The following TPO variants were observed in gnomAD, a reference collection of about 807,000 sequenced individuals.
The protein encoded by TPO is thyroid peroxidase.
TPO carries 78 observed loss-of-function variants against 96.9 expected under a neutral mutation model. That is an observed-to-expected ratio of 0.81 (90% CI 0.67 to 0.97). TPO has a LOEUF of 0.97. Among genes scored for constraint, TPO ranks in the 50% least tolerant of loss-of-function variants. The probability of loss-of-function intolerance (pLI) is 0.00; values close to 1 mark genes in which losing one functional copy is unlikely to be tolerated. For synonymous variants in TPO, 547 were observed against 538.0 expected, an observed-to-expected ratio of 1.02 and a Z score of -0.23; for missense variants, 1,252 against 1,274.8, an observed-to-expected ratio of 0.98 and a Z score of 0.27.
At chr2:1,397,117 A>G (rs1287394499) in intron 1 of TPO, among the ~76,000 whole-genome samples, 1 of 152,196 alleles carries the variant, frequency 6.6e-6, no homozygotes, top group East Asian at 1.9e-4. Context: ...AAGATGCCGT[A>G]AGGACTCAAC....
intron 11 of TPO, 116 bp downstream of exon 11, chr2:1,494,155 ACGTAAG>A (rs1672092535): frequency 9.4e-7 from 1 of 1,065,496 alleles, no homozygotes; most frequent in African/African-American, 1.6e-5. Flanking sequence ...TTCAACTCTT[ACGTAAG>A]CCTGGTCAGG....
At chr2:1,495,628 G>A (rs558389933) in intron 11 of TPO, among the ~76,000 whole-genome samples, 4 of 152,224 alleles carry the variant, frequency 2.6e-5, no homozygotes, top group Non-Finnish European at 5.9e-5. Flanking sequence ...CCCCTCTTCT[G>A]AGGCCGCTCG....
At chr2:1,518,514 C>T (rs1674937342) in intron 15 of TPO, among the ~76,000 whole-genome samples, 1 of 152,222 alleles carries the variant, frequency 6.6e-6, no homozygotes, top group Non-Finnish European at 1.5e-5. Context: ...GGTAGTAAAG[C>T]CAGTTCCCCA....
At chr2:1,477,031 C>T in intron 7 of TPO, 55 bp from the exon 8 acceptor site, 1 of 1,567,664 alleles carries the variant, frequency 6.4e-7, no homozygotes, top group Non-Finnish European at 8.6e-7. Context: ...CTTCCAGAGT[C>T]TTACAAAGGG....
At chr2:1,434,533 G>A (rs1419017063) in intron 4 of TPO, among the ~76,000 whole-genome samples, 1 of 152,094 alleles carries the variant, frequency 6.6e-6, no homozygotes. Context: ...AGAACTCTCG[G>A]TCCACTGTCC....
chr2:1,493,196 GT>G (rs1671943203), intron 10 of TPO, among the ~76,000 whole-genome samples: 1 of 130,636 alleles, frequency 7.7e-6, no homozygotes, highest in Non-Finnish European at 1.7e-5. Context: ...TTGTGTGTGT[GT>G]GTGTGAGTGG....
chr2:1,535,853 C>T (rs1410144769), intron 15 of TPO, among the ~76,000 whole-genome samples: 1 of 75,612 alleles, frequency 1.3e-5, no homozygotes, highest in African/African-American at 8.5e-5. Flanking sequence ...TGCAACCTCC[C>T]CGAATCCCCC....
At chr2:1,531,303 T>G (rs1267452858) in intron 15 of TPO, among the ~76,000 whole-genome samples, 5 of 68,904 alleles carry the variant, frequency 7.3e-5, no homozygotes, top group Non-Finnish European at 1.4e-4. Flanking sequence ...GCAACTTCCC[T>G]AAATCCCCCA....
chr2:1,541,037 CTGAAGCAAAACCCTGACTT>C, intron 16 of TPO: 2 of 1,318,842 alleles, frequency 1.5e-6, no homozygotes, highest in Non-Finnish European at 2.0e-6. Flanking sequence ...GAAGGAGAAG[CTGAAGCAAAACCCTGACTT>C]TTAAATTCTG....
chr2:1,383,558 C>T (rs1210300650), intron 1 of TPO, among the ~76,000 whole-genome samples: 1 of 152,142 alleles, frequency 6.6e-6, no homozygotes, highest in South Asian at 2.1e-4. Flanking sequence ...GCTTTGCCCA[C>T]TTGTTGATGG....
At chr2:1,406,428 A>T (rs1387082655) in intron 1 of TPO, among the ~76,000 whole-genome samples, 1 of 152,222 alleles carries the variant, frequency 6.6e-6, no homozygotes, top group South Asian at 2.1e-4. Context: ...TAGCTTAGCC[A>T]TCCTATTATC....
At chr2:1,422,309 C>CCTGGACTGACCTCGTGCAGGTGCCGCG (rs1558264067) in intron 2 of TPO, among the ~76,000 whole-genome samples, 5 of 105,778 alleles carry the variant, frequency 4.7e-5, no homozygotes, top group South Asian at 7.3e-4. Context: ...AGGCGCCTCT[C>CCTGGACTGACCTCGTGCAGGTGCCGCG]CTGGACAGAC....
intron 6 of TPO, among the ~76,000 whole-genome samples, chr2:1,455,197 A>G: frequency 6.6e-6 from 1 of 152,206 alleles, no homozygotes; most frequent in Non-Finnish European, 1.5e-5. Context: ...ACACTCGTGG[A>G]GACCCAGGAC....
chr2:1,418,795 T>G (rs1257119952), intron 2 of TPO, among the ~76,000 whole-genome samples: 1 of 152,120 alleles, frequency 6.6e-6, no homozygotes, highest in Non-Finnish European at 1.5e-5. Flanking sequence ...CCTGGGAAAA[T>G]TTGGGAAGCT....
chr2:1,487,880 G>T lies in TPO; in HGVS notation c.1657G>T (p.Asp553Tyr), dbSNP rs377390255. 1 of 1,614,100 alleles carries T rather than the reference G, an allele frequency of 6.2e-7. No homozygotes were observed. The highest frequency in any genetic ancestry group is 1.7e-5 in the Admixed American group (1 of 60,006). The change falls in exon 10 of 17, where the codon GAT (aspartate) becomes TAT (tyrosine). Residue 553 changes from aspartate to tyrosine, a missense_variant. Physicochemically the swap from Asp to Tyr is radical, Grantham distance 160. Coordinates refer to ENST00000329066, the MANE Select transcript of TPO (RefSeq NM_001206744.2). ...LARPAKLQVQ[D>Y]QLMNEELTER... ...AAGACCAGCCAAACTGCAGGTGCAG[G>T]ATCAGCTGATGAACGAGGAGCTGAC...
At chr2:1,510,003 A>T (rs1158981636) in intron 14 of TPO, among the ~76,000 whole-genome samples, 1 of 151,932 alleles carries the variant, frequency 6.6e-6, no homozygotes, top group East Asian at 1.9e-4. Context: ...CTCTTGTTTC[A>T]GGTGTCCTCT....
rs145529098 is a variant in TPO, at chr2:1,542,058, G to A, written c.2749-363G>A. 992 of 330,018 alleles carry A rather than the reference G, an allele frequency of 3.0e-3. 3 individuals are homozygous for A. The highest frequency in any genetic ancestry group is 4.8e-3 in the Non-Finnish European group (858 of 177,892). The allele number at this position is 330,018 out of a possible 1,614,324, so 20.4% of individuals were successfully genotyped here. On this transcript the variant is annotated intron_variant, in intron 16 of 16. Transcript: ENST00000329066. ...CAAGGGCAGTGCCAGCAAGTCCCCT[G>A]GGCCCCTAATTAGTCTGACTGACAC... is the stretch of plus-strand genomic sequence containing the variant.
intron 15 of TPO, among the ~76,000 whole-genome samples, chr2:1,533,952 T>C (rs1304079539): frequency 4.4e-5 from 3 of 68,636 alleles, no homozygotes; most frequent in Admixed American, 1.9e-4. Flanking sequence ...TGCAACCTCC[T>C]CAAATCCCCA....
chr2:1,509,587 T>A (rs1172053484), intron 14 of TPO, among the ~76,000 whole-genome samples: 1 of 124,466 alleles, frequency 8.0e-6, no homozygotes, highest in Non-Finnish European at 1.7e-5. Flanking sequence ...GGATACCCCA[T>A]CCTCTTGTTT....
Sources: allele counts gnomAD v4.1 joint callset (sites outside exome capture counted in the v4.1 genomes callset), GRCh38; gene constraint gnomAD v4.1.1; transcripts MANE v1.5; gene names NCBI Gene and HGNC (gene_info 2026-07-23, HGNC 2026-07-21).